Variants in WWOX observed in about 807,000 individuals in gnomAD.
WWOX encodes the protein WW domain-containing oxidoreductase.
WWOX carries 69 observed loss-of-function variants against 46.2 expected under a neutral mutation model. The observed-to-expected ratio is 1.49, with a 90% CI of 1.23 to 1.82. The LOEUF (loss-of-function observed/expected upper bound fraction) is 1.82. WWOX is among the 40% of genes most tolerant of loss of function. The pLI, the probability that WWOX is intolerant of heterozygous loss-of-function variation, is 0.00. For missense variants in WWOX, 919 were observed against 542.6 expected, an observed-to-expected ratio of 1.69 and a Z score of -6.89; for synonymous variants, 359 against 202.6, an observed-to-expected ratio of 1.77 and a Z score of -6.56.
At chr16:78,842,882 G>C (rs2052198133) in intron 8 of WWOX, among the ~76,000 whole-genome samples, 1 of 149,456 alleles carries the variant, frequency 6.7e-6, no homozygotes, top group Non-Finnish European at 1.5e-5. Flanking sequence ...ATACAAGGGG[G>C]GATAAAGATA....
At chr16:78,733,476 G>C (rs928104693) in intron 8 of WWOX, among the ~76,000 whole-genome samples, 2 of 151,360 alleles carry the variant, frequency 1.3e-5, no homozygotes, top group East Asian at 3.9e-4. Flanking sequence ...GGCTGGGCAT[G>C]GTGGCTCATG....
At chr16:78,104,232 A>G (rs1899396111) in intron 1 of WWOX, among the ~76,000 whole-genome samples, 1 of 5,464 alleles carries the variant, frequency 1.8e-4, no homozygotes, top group African/African-American at 3.0e-4. Context: ...TGTGCTCAAA[A>G]CACACACACA....
At chr16:78,147,785 C>A (rs574098086) in intron 4 of WWOX, among the ~76,000 whole-genome samples, 5 of 140,768 alleles carry the variant, frequency 3.6e-5, no homozygotes, top group African/African-American at 1.3e-4. Flanking sequence ...TTTCTGAGAG[C>A]TGGCAATGGA....
intron 8 of WWOX, among the ~76,000 whole-genome samples, chr16:78,823,320 T>C (rs2051556528): frequency 6.6e-6 from 1 of 152,086 alleles, no homozygotes; most frequent in Non-Finnish European, 1.5e-5. Context: ...GAGTTGATGA[T>C]CACATTATTG....
chr16:79,175,419 C>A (rs929763281), intron 8 of WWOX, among the ~76,000 whole-genome samples: 3 of 152,176 alleles, frequency 2.0e-5, no homozygotes, highest in Non-Finnish European at 4.4e-5. Context: ...ACATGGCCAC[C>A]AGGTCGGCCA....
At chr16:78,844,600 G>A (rs746191858) in intron 8 of WWOX, among the ~76,000 whole-genome samples, 5 of 152,148 alleles carry the variant, frequency 3.3e-5, no homozygotes, top group Admixed American at 2.0e-4. Context: ...GGGAAAGACC[G>A]CAGAATTCTG....
At chr16:78,671,434 A>C (rs1023157115) in intron 8 of WWOX, among the ~76,000 whole-genome samples, 1 of 152,220 alleles carries the variant, frequency 6.6e-6, no homozygotes, top group Non-Finnish European at 1.5e-5. Flanking sequence ...CAAAAATTAA[A>C]AAATAAAACA....
chr16:78,802,384 G>A (rs936222679), intron 8 of WWOX, among the ~76,000 whole-genome samples: 2 of 151,946 alleles, frequency 1.3e-5, no homozygotes, highest in Non-Finnish European at 2.9e-5. Context: ...AATTGAACAG[G>A]TAGGTTGAAC....
intron 6 of WWOX, among the ~76,000 whole-genome samples, chr16:78,423,981 A>G (rs1445055870): frequency 1.3e-5 from 2 of 151,932 alleles, no homozygotes; most frequent in Non-Finnish European, 2.9e-5. Flanking sequence ...CTTAAACAAC[A>G]TGTGCCCTTC....
At chr16:78,115,802 G>T (rs1345072218) in intron 4 of WWOX, among the ~76,000 whole-genome samples, 4 of 152,086 alleles carry the variant, frequency 2.6e-5, no homozygotes, top group Non-Finnish European at 1.5e-5. Flanking sequence ...ATTTTGCTTT[G>T]ATCTATTTAC....
chr16:78,928,540 G>A (rs1289809161), intron 8 of WWOX, among the ~76,000 whole-genome samples: 1 of 152,128 alleles, frequency 6.6e-6, no homozygotes, highest in Non-Finnish European at 1.5e-5. Context: ...CCCTTCTGAA[G>A]TGAATACTGA....
rs2083507134 is a variant in WWOX at position 78,444,172 on chromosome 16, C to G, written c.1056+11420C>G. 2.0e-5 allele frequency among the ~76,000 whole-genome samples: 3 copies of G among 152,172 alleles called. No homozygotes were observed. The South Asian group carries it at 6.2e-4, about 32-fold the overall frequency. Reference sequence around the variant, plus strand: ...TTTGCAAATCAGCTGAGCACATGTTCCCAGCTCCGTGCCGGGCTCTGTGGT... The same window carrying G: ...TTTGCAAATCAGCTGAGCACATGTTGCCAGCTCCGTGCCGGGCTCTGTGGT... On this transcript the variant is annotated intron_variant, in intron 8 of 8. Coordinates refer to ENST00000566780, the MANE Select transcript of WWOX (RefSeq NM_016373.4).
At chr16:78,131,132 C>T (rs1331517830) in intron 4 of WWOX, among the ~76,000 whole-genome samples, 2 of 152,196 alleles carry the variant, frequency 1.3e-5, no homozygotes, top group African/African-American at 2.4e-5. Flanking sequence ...GTTGTATCTG[C>T]ACTCCATTGT....
At chr16:78,650,134 A>G (rs925267564) in intron 8 of WWOX, among the ~76,000 whole-genome samples, 2 of 152,256 alleles carry the variant, frequency 1.3e-5, no homozygotes, top group Non-Finnish European at 2.9e-5. Context: ...GAAAAGCAGG[A>G]CAAATGAACG....
chr16:78,596,996 C>T (rs770968652), intron 8 of WWOX, among the ~76,000 whole-genome samples: 7 of 152,166 alleles, frequency 4.6e-5, no homozygotes, highest in African/African-American at 1.7e-4. Context: ...AAGACAAATC[C>T]TTTGAGCCTC....
At chr16:78,412,616 A>G (rs139042261) in intron 6 of WWOX, among the ~76,000 whole-genome samples, 1 of 152,306 alleles carries the variant, frequency 6.6e-6, no homozygotes, top group Non-Finnish European at 1.5e-5. Context: ...GTATCACAGA[A>G]GCCAAGACAG....
chr16:79,115,826 C>T (rs1222912586), intron 8 of WWOX, among the ~76,000 whole-genome samples: 1 of 152,190 alleles, frequency 6.6e-6, no homozygotes, highest in Admixed American at 6.5e-5. Context: ...AGCATATACA[C>T]CAGCTTTCGC....
chr16:78,461,947 G>T (rs934272206), intron 8 of WWOX, among the ~76,000 whole-genome samples: 5 of 152,226 alleles, frequency 3.3e-5, no homozygotes, highest in African/African-American at 4.8e-5. Flanking sequence ...GCTAGAGCCA[G>T]CAGTATCCCA....
intron 8 of WWOX, among the ~76,000 whole-genome samples, chr16:78,542,279 T>C (rs933722657): frequency 1.3e-5 from 2 of 152,000 alleles, no homozygotes; most frequent in Non-Finnish European, 2.9e-5. Context: ...CTGTAGATAC[T>C]TGGGTAAGGA....
Sources: allele counts gnomAD v4.1 joint callset (sites outside exome capture counted in the v4.1 genomes callset), GRCh38; gene constraint gnomAD v4.1.1; transcripts MANE v1.5; gene names NCBI Gene and HGNC (gene_info 2026-07-23, HGNC 2026-07-21).